LYRM4: variants seen among roughly 807,000 people sequenced by gnomAD.
LYRM4 encodes LYR motif-containing protein 4.
A neutral mutation model predicts 11.7 loss-of-function variants in LYRM4; 9 were observed. The ratio of observed to expected loss-of-function variants is 0.77; its 90% CI spans 0.46 to 1.34. The LOEUF (loss-of-function observed/expected upper bound fraction) is 1.34, where lower values mean the gene tolerates loss of function less well. LYRM4 is among the 40% of genes most tolerant of loss of function. The pLI is 0.00. For missense variants in LYRM4, 133 were observed against 112.5 expected, an observed-to-expected ratio of 1.18 and a Z score of -0.82; for synonymous variants, 42 against 40.4, an observed-to-expected ratio of 1.04 and a Z score of -0.15.
chr6:5,133,830 C>T (rs950324768), intron 2 of LYRM4, among the ~76,000 whole-genome samples: 6 of 152,132 alleles, frequency 3.9e-5, no homozygotes, highest in Admixed American at 6.5e-5. Context: ...TATGGGTTTC[C>T]GTAGACATGC....
chr6:5,046,393 G>A, the LYRM4 span, among the ~76,000 whole-genome samples: 26 of 152,180 alleles, frequency 1.7e-4, no homozygotes, highest in East Asian at 1.6e-3. Context: ...TGATCCACCC[G>A]CCTCGGCCTC....
chr6:5,225,247 CAAAAAAAAAA>C (rs35803077), intron 1 of LYRM4, among the ~76,000 whole-genome samples: 2 of 77,018 alleles, frequency 2.6e-5, no homozygotes, highest in African/African-American at 1.1e-4. Flanking sequence ...GACTCCGAAT[CAAAAAAAAAA>C]AAAAAAAAAA....
At chr6:5,181,309 A>G (rs937629092) in intron 2 of LYRM4, among the ~76,000 whole-genome samples, 1 of 152,174 alleles carries the variant, frequency 6.6e-6, no homozygotes, top group Non-Finnish European at 1.5e-5. Flanking sequence ...CGATGTATCG[A>G]GGACTCACGT....
At chr6:5,082,550 T>C in the LYRM4 span, among the ~76,000 whole-genome samples, 1 of 152,076 alleles carries the variant, frequency 6.6e-6, no homozygotes, top group Non-Finnish European at 1.5e-5. Context: ...CACTCCTAAA[T>C]AGCGCTCAGA....
intron 2 of LYRM4, among the ~76,000 whole-genome samples, chr6:5,184,934 G>A (rs769473102): frequency 3.9e-5 from 6 of 152,182 alleles, no homozygotes; most frequent in Non-Finnish European, 7.4e-5. Context: ...GCAAGCCCAA[G>A]CACAGGGTCA....
At chr6:5,071,129 C>T in the LYRM4 span, among the ~76,000 whole-genome samples, 1 of 151,140 alleles carries the variant, frequency 6.6e-6, no homozygotes, top group Non-Finnish European at 1.5e-5. Flanking sequence ...GCAGAGGTTG[C>T]AGTGAACCAA....
At position 5,232,270 on chromosome 6, in the gene LYRM4, C is replaced by T. The variant is rs114121347; in HGVS notation, c.87-15532G>A. On this transcript the variant is annotated intron_variant, in intron 1 of 2. Transcript: ENST00000330636. The stretch of plus-strand genomic sequence containing the variant: ...ACTGAGGCTGAAGGAACCTGGTCAT[C>T]CCTATAACTTGCAATCACTCTGCAG... Among the ~76,000 whole-genome samples, 830 of 152,354 alleles carry T rather than the reference C, an allele frequency of 5.4e-3. 10 individuals are homozygous for T. Among genetic ancestry groups the T allele is most frequent in the South Asian group, 0.043 (209 of 4,826 alleles).
At chr6:5,160,656 C>G (rs1438878540) in intron 2 of LYRM4, among the ~76,000 whole-genome samples, 1 of 151,878 alleles carries the variant, frequency 6.6e-6, no homozygotes, top group East Asian at 1.9e-4. Flanking sequence ...TATGAGACCC[C>G]CCCCCCAGCA....
the LYRM4 span, among the ~76,000 whole-genome samples, chr6:5,074,949 C>G: frequency 1.3e-5 from 2 of 152,136 alleles, no homozygotes; most frequent in African/African-American, 4.8e-5. Flanking sequence ...TTTCTCATAA[C>G]TGGTTTAGTG....
At chr6:5,133,912 C>G (rs984418301) in intron 2 of LYRM4, among the ~76,000 whole-genome samples, 3 of 152,138 alleles carry the variant, frequency 2.0e-5, no homozygotes, top group African/African-American at 7.2e-5. Context: ...CAAGGTTCAT[C>G]CAGGTTGTAA....
At chr6:5,197,801 T>C (rs1401498457) in intron 2 of LYRM4, among the ~76,000 whole-genome samples, 1 of 152,178 alleles carries the variant, frequency 6.6e-6, no homozygotes, top group Non-Finnish European at 1.5e-5. Flanking sequence ...ACATTTCCTA[T>C]GTGTAGGCAA....
At chr6:5,251,573 A>T (rs1380631203) in intron 1 of LYRM4, among the ~76,000 whole-genome samples, 1 of 152,166 alleles carries the variant, frequency 6.6e-6, no homozygotes, top group Non-Finnish European at 1.5e-5. Flanking sequence ...ACCGGATCTC[A>T]TGAGAACTCA....
intron 2 of LYRM4, among the ~76,000 whole-genome samples, chr6:5,183,665 A>C (rs1235955687): frequency 6.6e-6 from 1 of 152,202 alleles, no homozygotes; most frequent in Non-Finnish European, 1.5e-5. Flanking sequence ...TTAGACCGAC[A>C]AAATCAAGTG....
chr6:5,233,840 G>A (rs973556527), intron 1 of LYRM4, among the ~76,000 whole-genome samples: 2 of 152,170 alleles, frequency 1.3e-5, no homozygotes, highest in Admixed American at 6.5e-5. Context: ...ATATGTTCAC[G>A]GTCCCTTCTC....
At chr6:5,042,544 C>G in the LYRM4 span, 1 of 152,620 alleles carries the variant, frequency 6.6e-6, no homozygotes, top group Non-Finnish European at 1.5e-5. Context: ...CCATTGCACA[C>G]TATCTTTGCA....
chr6:5,248,167 C>T (rs1275248221), intron 1 of LYRM4, among the ~76,000 whole-genome samples: 1 of 152,242 alleles, frequency 6.6e-6, no homozygotes, highest in East Asian at 1.9e-4. Context: ...ATGATATTCT[C>T]ATAACCTTAG....
chr6:5,085,750 G>A, the LYRM4 span: 5 of 1,537,712 alleles, frequency 3.3e-6, no homozygotes, highest in Non-Finnish European at 3.5e-6. Flanking sequence ...TTCCTTGCCC[G>A]CCGACCCCAT....
intron 2 of LYRM4, among the ~76,000 whole-genome samples, chr6:5,174,149 GAAACATTCTCTGTTTTTTTTT>G (rs1475326474): frequency 6.6e-6 from 1 of 151,794 alleles, no homozygotes; most frequent in Admixed American, 6.6e-5. Flanking sequence ...AGATTCTCTG[GAAACATTCTCTGTTTTTTTTT>G]AAGTTAGGGC....
At chr6:5,209,097 A>C in intron 2 of LYRM4, among the ~76,000 whole-genome samples, 1 of 152,078 alleles carries the variant, frequency 6.6e-6, no homozygotes, top group Middle Eastern at 3.4e-3. Context: ...TTTTTATTTT[A>C]TTACTATTAT....
Sources: gnomAD v4.1 joint callset for allele counts (sites outside exome capture counted in the v4.1 genomes callset) on GRCh38, gnomAD v4.1.1 for gene constraint, MANE v1.5 for transcripts, NCBI Gene and HGNC (gene_info 2026-07-23, HGNC 2026-07-21) for gene names.